The following IQCM variants were observed in gnomAD, a reference collection of about 807,000 sequenced individuals.
IQCM encodes IQ domain-containing protein M.
In IQCM, 45 loss-of-function variants were observed where a neutral mutation model predicts 57.6. That is an observed-to-expected ratio of 0.78 (90% confidence interval 0.62 to 1.00). The LOEUF (loss-of-function observed/expected upper bound fraction) is 1.00, where lower values mean the gene tolerates loss of function less well. Ranked by LOEUF, IQCM falls within the 50% of genes least tolerant of loss-of-function variation. The pLI, the probability that IQCM is intolerant of heterozygous loss-of-function variation, is 0.00. For synonymous variants in IQCM, 148 were observed against 158.9 expected, an observed-to-expected ratio of 0.93 and a Z score of 0.51; for missense variants, 468 against 511.6, an observed-to-expected ratio of 0.91 and a Z score of 0.82.
intron 5 of IQCM, among the ~76,000 whole-genome samples, chr4:149,728,661 T>A (rs1290209495): frequency 6.6e-6 from 1 of 152,182 alleles, no homozygotes; most frequent in Non-Finnish European, 1.5e-5. Context: ...CCAGCTATAA[T>A]CCACTGAGAC....
At chr4:149,526,698 AC>A (rs1422108208) in intron 12 of IQCM, among the ~76,000 whole-genome samples, 2 of 152,042 alleles carry the variant, frequency 1.3e-5, no homozygotes, top group Admixed American at 6.6e-5. Context: ...ATTGTTTTTG[AC>A]AATGAACAAA....
chr4:149,561,871 G>A (rs1031897971), intron 10 of IQCM, among the ~76,000 whole-genome samples: 2 of 152,082 alleles, frequency 1.3e-5, no homozygotes, highest in Admixed American at 1.3e-4. Context: ...CAGAAAAATG[G>A]AGAGATCAGC....
intron 10 of IQCM, among the ~76,000 whole-genome samples, chr4:149,554,020 A>G (rs188414657): frequency 5.8e-4 from 88 of 152,186 alleles, no homozygotes; most frequent in African/African-American, 2.1e-3. Flanking sequence ...ATGTCTCTAT[A>G]TATCTTTATT....
intron 13 of IQCM, among the ~76,000 whole-genome samples, chr4:149,416,208 TTC>T (rs1282181316): frequency 2.0e-5 from 3 of 152,026 alleles, no homozygotes; most frequent in African/African-American, 4.8e-5. Context: ...ATCTCTCTCT[TTC>T]TCTCTCTGTC....
chr4:149,473,139 C>G (rs1485622609), intron 12 of IQCM, among the ~76,000 whole-genome samples: 2 of 152,216 alleles, frequency 1.3e-5, no homozygotes, highest in South Asian at 4.2e-4. Context: ...TAATTAAACT[C>G]AAGAGCTTCT....
At chr4:149,638,803 A>G (rs1757938835) in intron 7 of IQCM, among the ~76,000 whole-genome samples, 1 of 152,194 alleles carries the variant, frequency 6.6e-6, no homozygotes, top group Non-Finnish European at 1.5e-5. Flanking sequence ...GCACATGCAT[A>G]CACCAAGAAG....
intron 13 of IQCM, among the ~76,000 whole-genome samples, chr4:149,382,208 AC>A (rs1731129744): frequency 6.6e-6 from 1 of 152,162 alleles, no homozygotes; most frequent in African/African-American, 2.4e-5. Context: ...TGCCTGGCAT[AC>A]AGTAGATGCT....
At chr4:149,616,479 G>A (rs911266718) in intron 8 of IQCM, among the ~76,000 whole-genome samples, 3 of 151,986 alleles carry the variant, frequency 2.0e-5, no homozygotes, top group African/African-American at 7.2e-5. Flanking sequence ...GTTTCAGTTT[G>A]GGAAGATAAA....
At chr4:149,381,475 C>A (rs924378859) in intron 13 of IQCM, among the ~76,000 whole-genome samples, 1 of 152,054 alleles carries the variant, frequency 6.6e-6, no homozygotes, top group Non-Finnish European at 1.5e-5. Flanking sequence ...TGACTTCTTT[C>A]CAATTACGTA....
intron 12 of IQCM, among the ~76,000 whole-genome samples, chr4:149,503,447 A>G (rs1244031885): frequency 2.0e-5 from 3 of 152,128 alleles, no homozygotes; most frequent in African/African-American, 7.2e-5. Flanking sequence ...GAGGGGAACC[A>G]AAATCAAAGT....
intron 7 of IQCM, among the ~76,000 whole-genome samples, chr4:149,626,427 A>ACTT (rs1408122434): frequency 0.42 from 55,452 of 133,572 alleles, 12,703 homozygotes; most frequent in South Asian, 0.52. Flanking sequence ...AATAAGACAT[A>ACTT]CTATTTTGCT....
rs189879207 is a variant in IQCM, at chr4:149,374,129, T to C, written c.1391-22063A>G. On this transcript the variant is annotated intron_variant, in intron 13 of 13. Transcript: ENST00000636793. Reference sequence around the variant, plus strand: ...TGGGGTATGTTCTTGAATTCAAAACTCCAATCCAATGTTAGACACCAAGGT... The same window carrying C: ...TGGGGTATGTTCTTGAATTCAAAACCCCAATCCAATGTTAGACACCAAGGT... 2.4e-4 allele frequency among the ~76,000 whole-genome samples: 36 copies of C among 152,288 alleles called. No individual in the cohort carries two copies. The East Asian group carries it at 6.6e-3, about 28-fold the overall frequency.
chr4:149,364,785 T>C (rs1012967354), intron 13 of IQCM, among the ~76,000 whole-genome samples: 1 of 152,166 alleles, frequency 6.6e-6, no homozygotes, highest in East Asian at 1.9e-4. Flanking sequence ...AAATATTTTC[T>C]ACATGATATA....
chr4:149,509,877 G>A (rs577335136), intron 12 of IQCM, among the ~76,000 whole-genome samples: 12 of 151,872 alleles, frequency 7.9e-5, no homozygotes, highest in South Asian at 4.2e-4. Flanking sequence ...GTACTCACCT[G>A]TTTTTCATCA....
At chr4:149,594,802 T>C (rs1753602540) in intron 8 of IQCM, among the ~76,000 whole-genome samples, 1 of 152,178 alleles carries the variant, frequency 6.6e-6, no homozygotes, top group African/African-American at 2.4e-5. Flanking sequence ...CTAGTTTGAT[T>C]GTACTGTGGT....
intron 7 of IQCM, among the ~76,000 whole-genome samples, chr4:149,640,456 T>A (rs892964261): frequency 2.6e-5 from 4 of 152,236 alleles, no homozygotes; most frequent in Non-Finnish European, 4.4e-5. Context: ...CACCTGGTCC[T>A]CATATTCACC....
chr4:149,735,347 G>GTT, intron 4 of IQCM, 29 bp downstream of exon 4: 1 of 1,139,358 alleles, frequency 8.8e-7, no homozygotes, highest in Non-Finnish European at 1.1e-6. Flanking sequence ...ATTTTAAAAT[G>GTT]TAACATTAGA....
At chr4:149,369,241 A>G (rs1205189217) in intron 13 of IQCM, among the ~76,000 whole-genome samples, 1 of 151,050 alleles carries the variant, frequency 6.6e-6, no homozygotes, top group Admixed American at 6.6e-5. Flanking sequence ...ATGGGCTTTC[A>G]CCATGTTGAC....
chr4:149,624,072 A>G (rs967185400), intron 7 of IQCM, among the ~76,000 whole-genome samples: 2 of 151,830 alleles, frequency 1.3e-5, no homozygotes, highest in African/African-American at 4.8e-5. Context: ...TGCATATCTA[A>G]TTTGCATATT....
Sources: gnomAD v4.1 joint callset for allele counts (sites outside exome capture counted in the v4.1 genomes callset) on GRCh38, gnomAD v4.1.1 for gene constraint, MANE v1.5 for transcripts, NCBI Gene and HGNC (gene_info 2026-07-23, HGNC 2026-07-21) for gene names.